The following VWA3B variants were observed in gnomAD, a reference collection of about 807,000 sequenced individuals.
VWA3B encodes von Willebrand factor A domain-containing protein 3B.
Under a neutral mutation model 158.3 loss-of-function variants are expected in VWA3B, and 138 were observed. That is an observed-to-expected ratio of 0.87 (90% CI 0.76 to 1.00). The LOEUF (loss-of-function observed/expected upper bound fraction) is 1.00, where lower values mean the gene tolerates loss of function less well. Ranked by LOEUF, VWA3B falls within the 50% of genes least tolerant of loss-of-function variation. The pLI is 0.00. For missense variants in VWA3B, 1,555 were observed against 1,565.1 expected (o/e 0.99, Z 0.11); for synonymous variants, 596 against 587.3 (o/e 1.01, Z -0.21).
intron 25 of VWA3B, among the ~76,000 whole-genome samples, chr2:98,303,256 C>CG (rs971764231): frequency 8.3e-6 from 1 of 120,744 alleles, no homozygotes; most frequent in Non-Finnish European, 1.8e-5. Context: ...GTGGCATGGC[C>CG]GGGGGCGGGG....
chr2:98,235,147 A>G (rs1185714297), intron 17 of VWA3B, among the ~76,000 whole-genome samples: 3 of 152,186 alleles, frequency 2.0e-5, no homozygotes, highest in Non-Finnish European at 4.4e-5. Flanking sequence ...TGGGGACTGC[A>G]TATGAGGAAA....
intron 22 of VWA3B, among the ~76,000 whole-genome samples, chr2:98,283,531 TAC>T (rs1340307138): frequency 2.0e-5 from 3 of 152,228 alleles, no homozygotes; most frequent in African/African-American, 7.2e-5. Flanking sequence ...TAGAACACTT[TAC>T]ACAGTCTTCC....
At chr2:98,168,558 C>A (rs761049817) in intron 8 of VWA3B, among the ~76,000 whole-genome samples, 2 of 152,040 alleles carry the variant, frequency 1.3e-5, no homozygotes, top group Non-Finnish European at 2.9e-5. Flanking sequence ...TTTAAAAAGA[C>A]GCATACTGAA....
chr2:98,165,188 G>T (rs1287301273), intron 8 of VWA3B, among the ~76,000 whole-genome samples: 1 of 152,200 alleles, frequency 6.6e-6, no homozygotes, highest in Non-Finnish European at 1.5e-5. Context: ...TTACACATCA[G>T]GCACTGTTTA....
intron 23 of VWA3B, among the ~76,000 whole-genome samples, chr2:98,294,919 G>T (rs780268040): frequency 1.3e-5 from 2 of 152,146 alleles, no homozygotes; most frequent in African/African-American, 2.4e-5. Context: ...TCATAAACTG[G>T]CTGTGTAGAT....
intron 22 of VWA3B, among the ~76,000 whole-genome samples, chr2:98,282,741 C>T (rs752371730): frequency 6.6e-6 from 1 of 152,200 alleles, no homozygotes; most frequent in Non-Finnish European, 1.5e-5. Context: ...TCACAGCCAA[C>T]ATGAATTACT....
At chr2:98,316,462 G>T (rs1477722969), downstream of VWA3B, among the ~76,000 whole-genome samples, 2 of 152,014 alleles carry the variant, frequency 1.3e-5, no homozygotes, top group Non-Finnish European at 2.9e-5. Flanking sequence ...GGGCAACATG[G>T]CAAAACCCTG....
chr2:98,145,103 A>G lies in VWA3B; in HGVS notation c.988+11164A>G, dbSNP rs372603991. Among the ~76,000 whole-genome samples, 17 of 152,286 alleles carry G rather than the reference A, an allele frequency of 1.1e-4. 1 individual carries two copies. The highest frequency in any genetic ancestry group is 3.8e-4 in the African/African-American group (16 of 41,564). Reference sequence around the variant, plus strand: ...AATTCTTTTTTGATCTTTAAAGTCCATTAAGTGTTAGGATTTGTCTCAATG... The same window carrying G: ...AATTCTTTTTTGATCTTTAAAGTCCGTTAAGTGTTAGGATTTGTCTCAATG... On this transcript the variant is annotated intron_variant, in intron 7 of 27. Coordinates refer to ENST00000477737, the MANE Select transcript of VWA3B (RefSeq NM_144992.5).
intron 21 of VWA3B, among the ~76,000 whole-genome samples, chr2:98,268,088 C>G (rs1397039546): frequency 2.0e-5 from 3 of 151,726 alleles, no homozygotes; most frequent in African/African-American, 7.3e-5. Context: ...CAGATGGATT[C>G]ACAGCCGAAT....
chr2:98,311,576 G>A (rs1690896427), intron 26 of VWA3B, among the ~76,000 whole-genome samples: 1 of 152,136 alleles, frequency 6.6e-6, no homozygotes, highest in Non-Finnish European at 1.5e-5. Flanking sequence ...TGGTCAGGAC[G>A]GGTCCGTATA....
intron 2 of VWA3B, among the ~76,000 whole-genome samples, chr2:98,109,866 C>G (rs796192255): frequency 3.7e-4 from 56 of 151,340 alleles, no homozygotes; most frequent in African/African-American, 1.4e-3. Context: ...GATGAGAAAA[C>G]CACTATCATT....
At chr2:98,121,545 A>G in intron 5 of VWA3B, 87 bp downstream of exon 5, 1 of 1,525,088 alleles carries the variant, frequency 6.6e-7, no homozygotes, top group Admixed American at 1.7e-5. Context: ...ACGGCCCTTC[A>G]ACTGATCTTG....
At chr2:98,197,805 A>G (rs1196934615) in intron 12 of VWA3B, among the ~76,000 whole-genome samples, 1 of 151,596 alleles carries the variant, frequency 6.6e-6, no homozygotes, top group African/African-American at 2.4e-5. Flanking sequence ...AAGATGTTCT[A>G]TGATCATCTT....
In VWA3B at chr2:98,236,239, C is replaced by G. The variant is rs942740849; in HGVS notation, c.2429-151C>G. 1.2e-5 allele frequency: 10 copies of G among 827,718 alleles called. No individual in the cohort carries two copies. The African/African-American group carries it at 1.7e-4, about 14-fold the overall frequency. 51.3% of individuals were successfully genotyped at this position (827,718 alleles called of 1,614,324 possible). ...ATTGCAAAGGAATCTTGCCTGAGAG[C>G]CCGCTCTGACAAATCAGGATATGTT... On this transcript the variant is annotated intron_variant, in intron 17 of 27. Coordinates refer to ENST00000477737, the MANE Select transcript of VWA3B (RefSeq NM_144992.5).
At chr2:98,171,978 G>C (rs1380193685) in intron 8 of VWA3B, among the ~76,000 whole-genome samples, 1 of 152,246 alleles carries the variant, frequency 6.6e-6, no homozygotes, top group East Asian at 1.9e-4. Flanking sequence ...TGGGCAGGCT[G>C]TGGGGTGCCA....
At chr2:98,250,457 CT>C in intron 20 of VWA3B, 21 bp downstream of exon 20, 1 of 1,533,656 alleles carries the variant, frequency 6.5e-7, no homozygotes, top group African/African-American at 1.4e-5. Flanking sequence ...CTCTTGGCTG[CT>C]CTTTAATGGA....
chr2:98,308,509 A>G (rs1690671996), intron 26 of VWA3B, among the ~76,000 whole-genome samples: 1 of 152,240 alleles, frequency 6.6e-6, no homozygotes, highest in Admixed American at 6.5e-5. Flanking sequence ...AGAAACAGGC[A>G]GAACAGAGGG....
chr2:98,321,245 T>C, the VWA3B span, among the ~76,000 whole-genome samples: 2 of 152,222 alleles, frequency 1.3e-5, no homozygotes, highest in Non-Finnish European at 2.9e-5. Flanking sequence ...GGCAGAAGTT[T>C]GCTTCAGGGA....
intron 21 of VWA3B, among the ~76,000 whole-genome samples, chr2:98,269,113 GC>G (rs1490114105): frequency 6.6e-6 from 1 of 151,998 alleles, no homozygotes; most frequent in African/African-American, 2.4e-5. Flanking sequence ...ATCTTTGTGT[GC>G]TTTTCCCTAC....
Sources: gnomAD v4.1 joint callset for allele counts (sites outside exome capture counted in the v4.1 genomes callset) on GRCh38, gnomAD v4.1.1 for gene constraint, MANE v1.5 for transcripts, NCBI Gene and HGNC (gene_info 2026-07-23, HGNC 2026-07-21) for gene names.